Variants in GSG1L observed in about 807,000 individuals in gnomAD.
GSG1L encodes germ cell-specific gene 1-like protein.
In GSG1L, 24 loss-of-function variants were observed where a neutral mutation model predicts 42.1. That is an observed-to-expected ratio of 0.57 (90% CI 0.41 to 0.80). GSG1L has a LOEUF of 0.80. GSG1L is among the 30% of genes least tolerant of loss of function. GSG1L has a pLI of 0.00. For missense variants in GSG1L, 445 were observed against 472.2 expected (o/e 0.94, Z 0.53); for synonymous variants, 215 against 203.5 (o/e 1.06, Z -0.48).
chr16:27,828,251 A>G (rs2083236119), intron 5 of GSG1L, among the ~76,000 whole-genome samples: 1 of 151,722 alleles, frequency 6.6e-6, no homozygotes, highest in Admixed American at 6.6e-5. Context: ...CCATCTACCT[A>G]CCCATCCACC....
intron 2 of GSG1L, among the ~76,000 whole-genome samples, chr16:27,931,410 T>C (rs1478284255): frequency 6.6e-6 from 1 of 151,844 alleles, no homozygotes; most frequent in Non-Finnish European, 1.5e-5. Context: ...AAGCACAGAG[T>C]ATAGAATGGG....
intron 3 of GSG1L, among the ~76,000 whole-genome samples, chr16:27,883,039 A>G (rs2083978862): frequency 6.7e-6 from 1 of 150,372 alleles, no homozygotes; most frequent in Non-Finnish European, 1.5e-5. Flanking sequence ...GTATCGCTTG[A>G]GCCCTGAAGG....
chr16:27,794,563 C>T (rs965987750), intron 6 of GSG1L, among the ~76,000 whole-genome samples: 1 of 152,078 alleles, frequency 6.6e-6, no homozygotes, highest in Middle Eastern at 3.4e-3. Flanking sequence ...AATCTCCTGA[C>T]CTCGTGATCC....
At chr16:27,946,602 AGAGAGAGAGAGAGAG>A (rs2084866929) in intron 2 of GSG1L, among the ~76,000 whole-genome samples, 4 of 6,862 alleles carry the variant, frequency 5.8e-4, no homozygotes, top group African/African-American at 1.8e-3. Context: ...AGAGAGAGAG[AGAGAGAGAGAGAGAG>A]AGAGAGAGAG....
intron 3 of GSG1L, among the ~76,000 whole-genome samples, chr16:27,851,845 C>T (rs184289887): frequency 1.3e-5 from 2 of 152,186 alleles, no homozygotes; most frequent in South Asian, 4.1e-4. Flanking sequence ...ATCTTTTGCT[C>T]AATCACTGGG....
chr16:27,939,006 G>T (rs1468763638), intron 2 of GSG1L, among the ~76,000 whole-genome samples: 1 of 152,196 alleles, frequency 6.6e-6, no homozygotes, highest in Non-Finnish European at 1.5e-5. Flanking sequence ...GTGCAGTGGG[G>T]ACTCTGGGGA....
At chr16:27,999,078 C>T (rs768628338) in intron 1 of GSG1L, among the ~76,000 whole-genome samples, 27 of 152,150 alleles carry the variant, frequency 1.8e-4, no homozygotes, top group Non-Finnish European at 3.4e-4. Flanking sequence ...AGAGTGAAAA[C>T]GGACATATTC....
At chr16:27,946,345 G>C (rs1337255258) in intron 2 of GSG1L, among the ~76,000 whole-genome samples, 1 of 151,940 alleles carries the variant, frequency 6.6e-6, no homozygotes, top group African/African-American at 2.4e-5. Context: ...AGGAATTCGA[G>C]ACCAGCCTGG....
intron 6 of GSG1L, among the ~76,000 whole-genome samples, chr16:27,796,342 G>T (rs2082817534): frequency 6.8e-6 from 1 of 147,774 alleles, no homozygotes; most frequent in Non-Finnish European, 1.5e-5. Context: ...AAGAAATCGG[G>T]CTTTGGAAAC....
In GSG1L at chr16:27,978,505, A is replaced by G. The variant is rs553983400; in HGVS notation, c.350-15302T>C. On this transcript the variant is annotated intron_variant, in intron 1 of 6. Transcript: ENST00000447459. ...CAGGAGTTCGAGACCAGCCTGGCCAACATAGCAAAACCCCATCTCCACTAA... is the reference window on the plus strand; with the variant it reads ...CAGGAGTTCGAGACCAGCCTGGCCAGCATAGCAAAACCCCATCTCCACTAA... Among the ~76,000 whole-genome samples the G allele has an allele frequency of 1.2e-3, 178 of 152,228 alleles. 2 individuals carry two copies. The highest frequency in any genetic ancestry group is 2.3e-3 in the South Asian group (11 of 4,828).
At chr16:27,900,334 T>C (rs1005206817) in intron 2 of GSG1L, among the ~76,000 whole-genome samples, 1 of 152,108 alleles carries the variant, frequency 6.6e-6, no homozygotes, top group African/African-American at 2.4e-5. Flanking sequence ...GCTATTACCA[T>C]CTCCACGTCA....
At chr16:28,058,861 G>A (rs1427719208) in intron 1 of GSG1L, among the ~76,000 whole-genome samples, 1 of 152,208 alleles carries the variant, frequency 6.6e-6, no homozygotes, top group African/African-American at 2.4e-5. Flanking sequence ...CAAAATAAAG[G>A]AAGACAAGAC....
In GSG1L at chr16:28,027,605, G is replaced by A. The variant is rs183800586; in HGVS notation, c.349+35471C>T. ...GGAATAGAGTCTAAGGAATCAAAGA[G>A]CATTTGGTGATATTTTTGGGCACCT... On this transcript the variant is annotated intron_variant, in intron 1 of 6. Coordinates refer to ENST00000447459, the MANE Select transcript of GSG1L (RefSeq NM_001109763.2). Among the ~76,000 whole-genome samples the A allele has an allele frequency of 9.2e-5, 14 of 152,286 alleles. No homozygotes were observed. In the East Asian group the frequency reaches 2.1e-3, roughly 23 times the overall value.
At chr16:27,971,285 A>T (rs2085190837) in intron 1 of GSG1L, among the ~76,000 whole-genome samples, 1 of 152,168 alleles carries the variant, frequency 6.6e-6, no homozygotes, top group Non-Finnish European at 1.5e-5. Flanking sequence ...TGAACATGGG[A>T]TGTTTTTCCA....
intron 1 of GSG1L, among the ~76,000 whole-genome samples, chr16:27,988,146 TTAA>T (rs2085409645): frequency 6.6e-6 from 1 of 152,048 alleles, no homozygotes; most frequent in Admixed American, 6.6e-5. Context: ...AGTATATCTG[TTAA>T]TAAACAAAAA....
At position 27,822,061 on chromosome 16, in the gene GSG1L, C is replaced by A. The variant is rs957057252; in HGVS notation, c.830+6728G>T. Among the ~76,000 whole-genome samples, 22 of 150,392 alleles carry A rather than the reference C, an allele frequency of 1.5e-4. 1 individual carries two copies. The highest frequency in any genetic ancestry group is 1.5e-3 in the Admixed American group (22 of 15,044). ...GGGAGTGTATCTTATTTGCCCTGCA[C>A]AGAGGGAGGTCTCTAACAGAGGGAT... On this transcript the variant is annotated intron_variant, in intron 5 of 6. Coordinates refer to ENST00000447459, the MANE Select transcript of GSG1L (RefSeq NM_001109763.2).
At chr16:27,979,565 T>TC (rs1456498237) in intron 1 of GSG1L, among the ~76,000 whole-genome samples, 4 of 29,340 alleles carry the variant, frequency 1.4e-4, no homozygotes, top group African/African-American at 4.4e-4. Context: ...TGAGAATCCA[T>TC]CAAAAAAAAA....
rs2085483605 is a variant in GSG1L at position 27,993,832 on chromosome 16, TCCCCTGACACATGTG to T, written c.350-30644_350-30630del. Among the ~76,000 whole-genome samples the T allele has an allele frequency of 2.0e-5, 3 of 152,114 alleles. No individual in the cohort carries two copies. In the South Asian group the frequency reaches 6.2e-4, roughly 32 times the overall value. On this transcript the variant is annotated intron_variant, in intron 1 of 6. Coordinates refer to ENST00000447459, the MANE Select transcript of GSG1L (RefSeq NM_001109763.2). ...TACATGTCCGCAATGGAAAATTCTG[TCCCCTGACACATGTG>T]CAGAAAGGGGAACAAAGCAATATGC...
intron 3 of GSG1L, among the ~76,000 whole-genome samples, chr16:27,869,266 C>T (rs2083771980): frequency 6.6e-6 from 1 of 151,490 alleles, no homozygotes; most frequent in Admixed American, 6.6e-5. Context: ...TTCAAGGCTC[C>T]GGGAATTGCA....
Sources: gnomAD v4.1 joint callset for allele counts (sites outside exome capture counted in the v4.1 genomes callset) on GRCh38, gnomAD v4.1.1 for gene constraint, MANE v1.5 for transcripts, NCBI Gene and HGNC (gene_info 2026-07-23, HGNC 2026-07-21) for gene names.